The following APOLD1 variants were observed in gnomAD, a reference collection of about 807,000 sequenced individuals.
The protein encoded by APOLD1 is apolipoprotein L domain containing 1.
A neutral mutation model predicts 15.3 loss-of-function variants in APOLD1; 22 were observed. That is an observed-to-expected ratio of 1.44 (90% CI 1.03 to 2.05). The LOEUF (loss-of-function observed/expected upper bound fraction) is 2.05, where lower values mean the gene tolerates loss of function less well. APOLD1 is among the 30% of genes most tolerant of loss of function. The pLI is 0.00. For synonymous variants in APOLD1, 190 were observed against 167.4 expected (o/e 1.13, Z -1.04); for missense variants, 394 against 353.5 (o/e 1.11, Z -0.92).
At chr12:12,762,117 A>T (rs770292483) in intron 1 of APOLD1, among the ~76,000 whole-genome samples, 118 of 152,092 alleles carry the variant, frequency 7.8e-4, no homozygotes, top group Non-Finnish European at 2.4e-4. Context: ...AAGCAAACAA[A>T]GAAGGGATGG....
chr12:12,727,878 G>A (rs888756268), intron 1 of APOLD1, among the ~76,000 whole-genome samples: 2 of 151,730 alleles, frequency 1.3e-5, no homozygotes, highest in African/African-American at 4.8e-5. Context: ...GAGATGACAG[G>A]CATGAGCCAC....
rs754439045 is a variant in APOLD1, at chr12:12,787,103, C to A, written c.198C>A (p.Gly66=). The change falls in exon 2 of 2, where the codon GGC becomes GGA. Residue 66 remains glycine, a synonymous_variant. Transcript: ENST00000356591. The surrounding 1 kb of genome is among the most constrained non-coding windows in gnomAD (Gnocchi z 4.9). ...NVAGSSLSAT[G]ALAAIVGLSL... ...CCGGCAGCTCGCTGAGCGCAACGGG[C>A]GCCCTCGCCGCCATCGTGGGGCTCT... is the stretch of plus-strand genomic sequence containing the variant. 13 of 1,414,100 alleles carry A rather than the reference C, an allele frequency of 9.2e-6. No individual in the cohort carries two copies. In the South Asian group the frequency reaches 1.5e-4, roughly 17 times the overall value. 87.6% of individuals were successfully genotyped at this position (1,414,100 alleles called of 1,614,324 possible). A position where few individuals can be genotyped will look rare whatever the true frequency, so the allele number is the denominator to read the frequency against.
chr12:12,750,552 A>C (rs1946804717), intron 1 of APOLD1, among the ~76,000 whole-genome samples: 1 of 151,184 alleles, frequency 6.6e-6, no homozygotes, highest in Non-Finnish European at 1.5e-5. Context: ...TTCTCCCTAG[A>C]AACTTGATAA....
At chr12:12,748,089 A>C (rs778404516) in intron 1 of APOLD1, among the ~76,000 whole-genome samples, 15 of 152,368 alleles carry the variant, frequency 9.8e-5, no homozygotes, top group Admixed American at 5.2e-4. Context: ...GTTAATAAGC[A>C]GTCACAGCTG....
At position 12,789,968 on chromosome 12, in the gene APOLD1, G is replaced by C. The variant is rs1352005445; in HGVS notation, c.*2316G>C. 6.6e-6 allele frequency: 1 copy of C among 151,204 alleles called. No individual in the cohort carries two copies. The highest frequency in any genetic ancestry group is 1.5e-5 in the Non-Finnish European group (1 of 67,882). The allele number at this position is 151,204 out of a possible 1,614,324, so 9.4% of individuals were successfully genotyped here. A position where few individuals can be genotyped will look rare whatever the true frequency, so the allele number is the denominator to read the frequency against. ...TTTATATTGGTTTCTTTTCAAGCTG[G>C]TGTCATCTCCTAGACTGTTTCACCC... On this transcript the variant is annotated 3_prime_UTR_variant, in exon 2 of 2. Transcript: ENST00000356591.
At chr12:12,751,252 G>C (rs1217797630) in intron 1 of APOLD1, among the ~76,000 whole-genome samples, 1 of 152,162 alleles carries the variant, frequency 6.6e-6, no homozygotes, top group Non-Finnish European at 1.5e-5. Context: ...CTGTCAAGAT[G>C]CTGTCTGGAG....
intron 1 of APOLD1, among the ~76,000 whole-genome samples, chr12:12,737,690 G>A (rs1197933791): frequency 6.6e-6 from 1 of 152,144 alleles, no homozygotes; most frequent in Non-Finnish European, 1.5e-5. Flanking sequence ...GAGGGAGCTG[G>A]GCGCTTATCT....
At chr12:12,753,452 T>G (rs1446622478) in intron 1 of APOLD1, among the ~76,000 whole-genome samples, 1 of 152,102 alleles carries the variant, frequency 6.6e-6, no homozygotes, top group Non-Finnish European at 1.5e-5. Flanking sequence ...AGCTTGAGGC[T>G]AGGAGTTTGA....
chr12:12,784,688 G>A (rs899019234), upstream of APOLD1, among the ~76,000 whole-genome samples: 1 of 152,130 alleles, frequency 6.6e-6, no homozygotes, highest in African/African-American at 2.4e-5. Flanking sequence ...GGAGGAGAGG[G>A]TTAGAAGGAC....
chr12:12,743,917 G>T (rs1176067890), intron 1 of APOLD1, among the ~76,000 whole-genome samples: 2 of 152,172 alleles, frequency 1.3e-5, no homozygotes, highest in African/African-American at 4.8e-5. Flanking sequence ...CAAGGTAAAG[G>T]ATTCTCCCCC....
intron 1 of APOLD1, among the ~76,000 whole-genome samples, chr12:12,766,033 T>C (rs989124500): frequency 1.3e-5 from 2 of 152,160 alleles, no homozygotes; most frequent in African/African-American, 4.8e-5. Flanking sequence ...GCTCATAAAA[T>C]GGAATGATGG....
In APOLD1 at chr12:12,791,273, G is replaced by A. The variant is rs7973340; in HGVS notation, c.*3621G>A. On this transcript the variant is annotated 3_prime_UTR_variant, in exon 2 of 2. Coordinates refer to ENST00000356591, the MANE Select transcript of APOLD1 (RefSeq NM_030817.3). ...TGGTTGTAGAAGTCTCCCTAAATCAGACATGTCAAGCAATCAGCCAACGTG... is the reference window on the plus strand; with the variant it reads ...TGGTTGTAGAAGTCTCCCTAAATCAAACATGTCAAGCAATCAGCCAACGTG... The A allele has an allele frequency of 1.7e-3, 256 of 152,276 alleles. 1 individual carries two copies. The highest frequency in any genetic ancestry group is 6.0e-3 in the African/African-American group (249 of 41,552). The allele number at this position is 152,276 out of a possible 1,614,324, so 9.4% of individuals were successfully genotyped here.
chr12:12,775,887 C>T (rs1947027894), intron 1 of APOLD1, among the ~76,000 whole-genome samples: 3 of 150,804 alleles, frequency 2.0e-5, no homozygotes, highest in African/African-American at 7.3e-5. Flanking sequence ...ACCTGCAGTC[C>T]CAGCTACCCA....
At chr12:12,777,889 GTTTTTTTTTTTTTTTTTTTT>G (rs71436735) in intron 1 of APOLD1, among the ~76,000 whole-genome samples, 2,286 of 117,134 alleles carry the variant, frequency 0.02, 86 homozygotes, top group African/African-American at 0.08. Flanking sequence ...AAGGAAAGGT[GTTTTTTTTTTTTTTTTTTTT>G]TTTTTTTTTT....
chr12:12,756,581 C>T (rs900886814), intron 1 of APOLD1, among the ~76,000 whole-genome samples: 1 of 152,102 alleles, frequency 6.6e-6, no homozygotes, highest in Non-Finnish European at 1.5e-5. Flanking sequence ...AGCAATTTCT[C>T]ATTGTTGTGC....
chr12:12,751,980 G>A (rs900035578), intron 1 of APOLD1, among the ~76,000 whole-genome samples: 2 of 152,160 alleles, frequency 1.3e-5, no homozygotes, highest in Non-Finnish European at 2.9e-5. Context: ...GAAAAGGCAA[G>A]AAAACATTCT....
intron 1 of APOLD1, among the ~76,000 whole-genome samples, chr12:12,767,531 C>T (rs77647421): frequency 0.068 from 10,399 of 151,828 alleles, 631 homozygotes; most frequent in East Asian, 0.29. Context: ...TGTGGGGGCC[C>T]GCGCCTATAA....
chr12:12,743,023 A>G (rs1457333281), intron 1 of APOLD1, among the ~76,000 whole-genome samples: 1 of 152,198 alleles, frequency 6.6e-6, no homozygotes, highest in Non-Finnish European at 1.5e-5. Context: ...AAGTGTTGGG[A>G]TTACAGGCGT....
intron 1 of APOLD1, among the ~76,000 whole-genome samples, chr12:12,748,811 G>T (rs987856468): frequency 6.6e-6 from 1 of 152,184 alleles, no homozygotes; most frequent in Non-Finnish European, 1.5e-5. Flanking sequence ...GATCAAAGGG[G>T]ACGTGGAAAT....
Sources: allele counts gnomAD v4.1 joint callset (sites outside exome capture counted in the v4.1 genomes callset), GRCh38; gene constraint gnomAD v4.1.1; non-coding constraint Gnocchi (gnomAD v3.1); transcripts MANE v1.5; gene names NCBI Gene and HGNC (gene_info 2026-07-23, HGNC 2026-07-21).